The following NLRC3 variants were observed in gnomAD, a reference collection of about 807,000 sequenced individuals.
The protein encoded by NLRC3 is NLR family CARD domain containing 3.
A neutral mutation model predicts 91.6 loss-of-function variants in NLRC3; 87 were observed. The ratio of observed to expected loss-of-function variants is 0.95; its 90% CI spans 0.80 to 1.14. The LOEUF (loss-of-function observed/expected upper bound fraction) is 1.14. Among genes scored for constraint, NLRC3 ranks in the 50% most tolerant of loss-of-function variants. The pLI is 0.00. For missense variants in NLRC3, 1,577 were observed against 1,418.6 expected (o/e 1.11, Z -1.79); for synonymous variants, 694 against 625.3 (o/e 1.11, Z -1.64).
intron 13 of NLRC3, 82 bp downstream of exon 13, chr16:3,549,060 G>T: frequency 9.3e-7 from 1 of 1,076,910 alleles, no homozygotes; most frequent in Non-Finnish European, 1.4e-6. Context: ...GTGACGTGGC[G>T]AGGGTGCCCG....
chr16:3,556,858 G>C, intron 8 of NLRC3, 53 bp downstream of exon 8: 3 of 1,280,556 alleles, frequency 2.3e-6, no homozygotes, highest in Non-Finnish European at 3.4e-6. Context: ...CTGAGGAGAG[G>C]GTTTTCTGGG....
chr16:3,568,616 ACT>A (rs1567153125), intron 1 of NLRC3, among the ~76,000 whole-genome samples: 1 of 152,088 alleles, frequency 6.6e-6, no homozygotes, highest in Non-Finnish European at 1.5e-5. Flanking sequence ...AGTCCCAGCT[ACT>A]CAGTAGGCTG....
chr16:3,542,665 T>A, intron 18 of NLRC3, 27 bp downstream of exon 18: 2 of 1,440,616 alleles, frequency 1.4e-6, no homozygotes, highest in Non-Finnish European at 9.7e-7. Context: ...TGCTCCAGGA[T>A]GCAGGTAGGT....
At chr16:3,552,740 G>C (rs973737883) in intron 9 of NLRC3, among the ~76,000 whole-genome samples, 6 of 152,110 alleles carry the variant, frequency 3.9e-5, no homozygotes, top group Admixed American at 3.9e-4. Context: ...AACAGATCGA[G>C]ACTATCCTGG....
At chr16:3,561,238 T>C (rs2039596576) in intron 6 of NLRC3, among the ~76,000 whole-genome samples, 1 of 151,776 alleles carries the variant, frequency 6.6e-6, no homozygotes, top group South Asian at 2.1e-4. Context: ...TCCCAGCTAC[T>C]CAGGAGGCTG....
chr16:3,548,617 C>A (rs2038822403), intron 14 of NLRC3, 53 bp downstream of exon 14: 3 of 1,336,294 alleles, frequency 2.2e-6, no homozygotes, highest in Non-Finnish European at 3.1e-6. Context: ...TTGGGTGGAG[C>A]CCGGCAGCTC....
intron 10 of NLRC3, 81 bp from the exon 11 acceptor site, chr16:3,550,578 C>T: frequency 9.5e-7 from 1 of 1,052,430 alleles, no homozygotes; most frequent in Non-Finnish European, 1.5e-6. Flanking sequence ...GTCAGGGAAG[C>T]CCTCCTGGGA....
chr16:3,550,497 C>A lies in NLRC3; in HGVS notation c.2352G>T (p.Met784Ile). 2 of 1,610,176 alleles carry A rather than the reference C, an allele frequency of 1.2e-6. No individual in the cohort carries two copies. Among genetic ancestry groups the A allele is most frequent in the Non-Finnish European group, 1.7e-6 (2 of 1,176,404 alleles). ...CATCACCAATACTATTACTGGAGAA[C>A]CTGCAAGAGAAGGGATATGGATGAG... Reference protein sequence around the residue: ...LKQNRSLKELMFSSNSIGDGG... With the variant: ...LKQNRSLKELIFSSNSIGDGG... Residue 784 changes from methionine to isoleucine, a missense_variant and splice_region_variant, in exon 11 of 20, where the codon ATG (methionine) becomes ATT (isoleucine). Physicochemically the swap from Met to Ile is conservative, Grantham distance 10. Transcript: ENST00000359128.
intron 1 of NLRC3, among the ~76,000 whole-genome samples, chr16:3,569,776 G>T (rs970397859): frequency 1.3e-5 from 2 of 152,096 alleles, no homozygotes; most frequent in African/African-American, 2.4e-5. Flanking sequence ...TAAGGTTGTT[G>T]CAGGCCTTCT....
rs771608449 is a variant in NLRC3, at chr16:3,563,113, C to T, written c.1824G>A (p.Leu608=). 1 of 1,579,566 alleles carries T rather than the reference C, an allele frequency of 6.3e-7. No homozygotes were observed. The highest frequency in any genetic ancestry group is 1.2e-5 in the South Asian group (1 of 86,438). Residue 608 remains leucine (L), a synonymous_variant, in exon 5 of 20, where the codon CTG becomes CTA. Transcript: ENST00000359128. The stretch of plus-strand genomic sequence containing the variant: ...CCTGGGCACAGGCGTCGGACACCTG[C>T]AGGAGGTAGGCCAGGGCAGCGCGGT... ...PAHRAALAYL[L]QVSDACAQEA...
In NLRC3 at chr16:3,556,915, G is replaced by A; in HGVS notation, c.2179C>T (p.Leu727=). The change falls in exon 8 of 20, where the codon CTG becomes TTG. Residue 727 remains leucine (L), a synonymous_variant. Transcript: ENST00000359128. The stretch of plus-strand genomic sequence containing the variant: ...CAGGGAGCAGGTGACACACACCTCA[G>A]GGAGGTCAGGGTGCGGTTGATCTTC... ...ALKINRTLTS[L]SLQGNTVRDD... is the part of the protein sequence containing the mutation. 6.2e-7 allele frequency: 1 copy of A among 1,610,510 alleles called. No individual in the cohort carries two copies. Among genetic ancestry groups the A allele is most frequent in the Non-Finnish European group, 8.5e-7 (1 of 1,177,206 alleles).
In NLRC3 at chr16:3,561,777, T is replaced by G; in HGVS notation, c.1940A>C (p.Asn647Thr). The change falls in exon 6 of 20, where the codon AAC becomes ACC. Residue 647 changes from asparagine (N) to threonine (T), a missense_variant. Coordinates refer to ENST00000359128, the MANE Select transcript of NLRC3 (RefSeq NM_178844.4). Reference protein sequence around the residue: ...LYCRKLRLDTNQFQDPVMELL... With the variant: ...LYCRKLRLDTTQFQDPVMELL... ...CTCCATCACGGGGTCCTGGAACTGG[T>G]TGGTGTCCAGCCTGGCCAAGGGGAG... 2 of 1,613,146 alleles carry G rather than the reference T, an allele frequency of 1.2e-6. No homozygotes were observed. The highest frequency in any genetic ancestry group is 1.7e-5 in the Admixed American group (1 of 60,018).
chr16:3,569,606 C>T (rs1228897890), intron 1 of NLRC3, among the ~76,000 whole-genome samples: 1 of 151,552 alleles, frequency 6.6e-6, no homozygotes, highest in Non-Finnish European at 1.5e-5. Flanking sequence ...CCATGTTGAC[C>T]AGACTGGTCT....
rs1411048567 is a variant in NLRC3, at chr16:3,541,776, A to G, written c.*49T>C. ...CCCCAGAAGTCGGCCTTTCTGTTCA[A>G]AAGCTTCCAGCTGAGCATCTGCCCA... On this transcript the variant is annotated 3_prime_UTR_variant, in exon 20 of 20. Transcript: ENST00000359128. The G allele has an allele frequency of 7.5e-7, 1 of 1,339,394 alleles. No homozygotes were observed. Among genetic ancestry groups the G allele is most frequent in the South Asian group, 1.2e-5 (1 of 81,824 alleles). The allele number at this position is 1,339,394 out of a possible 1,614,324, so 83.0% of individuals were successfully genotyped here.
Position 3,557,806 on chromosome 16 carries a change from G to T in NLRC3, c.2016-130C>A. ...TCAGGGTCTGGACATAGGTGGAGAT[G>T]AGGTGACCCCTGGAGCAGAATGCCA... On this transcript the variant is annotated intron_variant, in intron 6 of 19. Transcript: ENST00000359128. The T allele has an allele frequency of 4.7e-6, 3 of 638,696 alleles. No homozygotes were observed. In the South Asian group the frequency reaches 5.6e-5, roughly 12 times the overall value. The allele number at this position is 638,696 out of a possible 1,614,324, so 39.6% of individuals were successfully genotyped here.
intron 10 of NLRC3, among the ~76,000 whole-genome samples, chr16:3,551,225 C>T (rs963705424): frequency 6.6e-6 from 1 of 151,680 alleles, no homozygotes; most frequent in South Asian, 2.1e-4. Flanking sequence ...TCCATTCATC[C>T]ATCCATCCAC....
chr16:3,551,864 C>T (rs374519637), intron 10 of NLRC3, among the ~76,000 whole-genome samples: 8 of 150,762 alleles, frequency 5.3e-5, no homozygotes, highest in African/African-American at 1.7e-4. Context: ...CCACTACCCA[C>T]CCAACCATCC....
At chr16:3,575,346 C>T (rs923168065) in intron 1 of NLRC3, among the ~76,000 whole-genome samples, 1 of 152,216 alleles carries the variant, frequency 6.6e-6, no homozygotes, top group African/African-American at 2.4e-5. Flanking sequence ...TTCCACAGAC[C>T]TCTCAGCCGA....
chr16:3,566,101 C>CAAAAAA lies in NLRC3; in HGVS notation c.-86-727_-86-722dup, dbSNP rs1027448717. ...CTTGCTCCTGAGTTAGAGCAAAAAGCAAAAAAAAAAAAAAAAAAAAAAAAA... is the reference window on the plus strand; with the variant it reads ...CTTGCTCCTGAGTTAGAGCAAAAAGCAAAAAAAAAAAAAAAAAAAAAAAAAAAAAAA... On this transcript the variant is annotated intron_variant, in intron 2 of 19. Transcript: ENST00000359128. Among the ~76,000 whole-genome samples, 146 of 21,316 alleles carry CAAAAAA rather than the reference C, an allele frequency of 6.8e-3. 1 individual carries two copies. Among genetic ancestry groups the CAAAAAA allele is most frequent in the African/African-American group, 8.5e-3 (42 of 4,966 alleles). The allele number at this position is 21,316 out of a possible 152,430, so 14.0% of individuals were successfully genotyped here. A position where few individuals can be genotyped will look rare whatever the true frequency, so the allele number is the denominator to read the frequency against.
Sources: allele counts gnomAD v4.1 joint callset (sites outside exome capture counted in the v4.1 genomes callset), GRCh38; gene constraint gnomAD v4.1.1; transcripts MANE v1.5; gene names NCBI Gene and HGNC (gene_info 2026-07-23, HGNC 2026-07-21).